DNAJB13: variants seen among roughly 807,000 people sequenced by gnomAD.
The protein encoded by DNAJB13 is DnaJ heat shock protein family (Hsp40) member B13.
Under a neutral mutation model 35.6 loss-of-function variants are expected in DNAJB13, and 22 were observed. The observed-to-expected ratio is 0.62, with a 90% confidence interval of 0.44 to 0.88. The LOEUF (loss-of-function observed/expected upper bound fraction) is 0.88. Ranked by LOEUF, DNAJB13 falls within the 40% of genes least tolerant of loss-of-function variation. The pLI is 0.00. For synonymous variants in DNAJB13, 136 were observed against 144.2 expected, an observed-to-expected ratio of 0.94 and a Z score of 0.41; for missense variants, 370 against 384.3, an observed-to-expected ratio of 0.96 and a Z score of 0.31.
At chr11:73,967,403 A>G (rs1951148413) in intron 5 of DNAJB13, among the ~76,000 whole-genome samples, 1 of 152,188 alleles carries the variant, frequency 6.6e-6, no homozygotes, top group South Asian at 2.1e-4. Flanking sequence ...GAGCCAGGGA[A>G]GACACATTCC....
intron 6 of DNAJB13, 64 bp downstream of exon 6, chr11:73,968,522 T>A: frequency 7.0e-7 from 1 of 1,420,114 alleles, no homozygotes; most frequent in Non-Finnish European, 9.7e-7. Context: ...TGCCCCGGCC[T>A]AGACTTGGCC....
rs778435520 is a variant in DNAJB13 at position 73,964,817 on chromosome 11, G to GCA, written c.335-60_335-59insAC. On this transcript the variant is annotated intron_variant, in intron 3 of 7. Coordinates refer to ENST00000339764, the MANE Select transcript of DNAJB13 (RefSeq NM_153614.4). ...TGTGTGTGTGTGTGTGTGTGTGCGC[G>GCA]CGCGCGCATGTCTGGGTCTCTGGAT... 1.1e-4 allele frequency: 167 copies of GCA among 1,513,108 alleles called. 4 individuals are homozygous for GCA. The African/African-American group carries it at 1.9e-3, about 17-fold the overall frequency. The allele number at this position is 1,513,108 out of a possible 1,614,324, so 93.7% of individuals were successfully genotyped here.
intron 1 of DNAJB13, among the ~76,000 whole-genome samples, chr11:73,953,025 AGG>A: frequency 6.6e-6 from 1 of 152,210 alleles, no homozygotes; most frequent in South Asian, 2.1e-4. Flanking sequence ...GGAGTTTGAG[AGG>A]GCAGCCTGGG....
chr11:73,957,357 G>T (rs1348595420), intron 1 of DNAJB13, among the ~76,000 whole-genome samples: 2 of 152,220 alleles, frequency 1.3e-5, no homozygotes, highest in Non-Finnish European at 2.9e-5. Flanking sequence ...CCTGGCCTGG[G>T]AAAACTGCAC....
intron 5 of DNAJB13, among the ~76,000 whole-genome samples, chr11:73,966,633 C>T (rs906772416): frequency 6.6e-6 from 1 of 152,082 alleles, no homozygotes; most frequent in Non-Finnish European, 1.5e-5. Flanking sequence ...AGGAGCTACT[C>T]AGAAACCATT....
chr11:73,966,292 C>T (rs1305839472), intron 5 of DNAJB13, 41 bp downstream of exon 5: 1 of 1,569,110 alleles, frequency 6.4e-7, no homozygotes, highest in Non-Finnish European at 8.7e-7. Flanking sequence ...TCACTGAGCT[C>T]AGGCGGTGGG....
At chr11:73,966,074 C>A in intron 4 of DNAJB13, 64 bp from the exon 5 acceptor site, 1 of 1,452,714 alleles carries the variant, frequency 6.9e-7, no homozygotes, top group Non-Finnish European at 9.5e-7. Flanking sequence ...AAAATCTGAG[C>A]AAATCTCGAC....
At chr11:73,953,775 A>T (rs1950646475) in intron 1 of DNAJB13, among the ~76,000 whole-genome samples, 1 of 151,832 alleles carries the variant, frequency 6.6e-6, no homozygotes, top group African/African-American at 2.4e-5. Flanking sequence ...AAACAATATG[A>T]GATGGTCGCT....
intron 6 of DNAJB13, among the ~76,000 whole-genome samples, chr11:73,968,846 C>T (rs765109271): frequency 2.6e-5 from 4 of 152,116 alleles, no homozygotes; most frequent in East Asian, 1.9e-4. Flanking sequence ...GCCTGTGTGG[C>T]GCATTGTCAC....
intron 3 of DNAJB13, among the ~76,000 whole-genome samples, chr11:73,962,332 G>A (rs917709361): frequency 6.8e-6 from 1 of 146,122 alleles, no homozygotes; most frequent in Non-Finnish European, 1.5e-5. Context: ...GTGGATGGGT[G>A]GATGCATGAA....
At chr11:73,965,945 G>C in intron 4 of DNAJB13, 193 bp from the exon 5 acceptor site, 1 of 577,182 alleles carries the variant, frequency 1.7e-6, no homozygotes, top group Non-Finnish European at 3.1e-6. Flanking sequence ...GGGAGTGGGA[G>C]TGGCTCAGGG....
At chr11:73,965,475 C>T (rs190534501) in intron 4 of DNAJB13, 53 of 161,628 alleles carry the variant, frequency 3.3e-4, no homozygotes, top group Admixed American at 8.7e-4. Flanking sequence ...CCCAAGGTGA[C>T]GGGTTGAGGA....
At chr11:73,958,203 A>T in intron 1 of DNAJB13, 114 bp from the exon 2 acceptor site, 1 of 1,047,682 alleles carries the variant, frequency 9.5e-7, no homozygotes, top group South Asian at 1.4e-5. Context: ...CAGCTGGTGA[A>T]GTCACCCCGG....
intron 6 of DNAJB13, among the ~76,000 whole-genome samples, chr11:73,968,959 T>G (rs1352356768): frequency 6.6e-6 from 1 of 152,198 alleles, no homozygotes; most frequent in African/African-American, 2.4e-5. Flanking sequence ...TACCACTTCC[T>G]GCCCCACTCC....
At chr11:73,969,027 A>G (rs992220594) in intron 6 of DNAJB13, among the ~76,000 whole-genome samples, 1 of 152,152 alleles carries the variant, frequency 6.6e-6, no homozygotes, top group African/African-American at 2.4e-5. Context: ...TGTCTCCATC[A>G]TTACATTTAT....
chr11:73,964,813 G>C (rs200783773), intron 3 of DNAJB13, 65 bp from the exon 4 acceptor site: 2 of 992,336 alleles, frequency 2.0e-6, no homozygotes, highest in Non-Finnish European at 2.9e-6. Flanking sequence ...GTGTGTGTGT[G>C]CGCGCGCGCG....
In DNAJB13 at chr11:73,961,206, G is replaced by A. The variant is rs904843796; in HGVS notation, c.334+1551G>A. Among the ~76,000 whole-genome samples the A allele has an allele frequency of 9.2e-5, 14 of 152,292 alleles. No individual in the cohort carries two copies. The South Asian group carries it at 2.9e-3, about 32-fold the overall frequency. On this transcript the variant is annotated intron_variant, in intron 3 of 7. Coordinates refer to ENST00000339764, the MANE Select transcript of DNAJB13 (RefSeq NM_153614.4). ...GAGGTGGGAGAATCGCCTGAGCCCA[G>A]GAGGTTGAGGCTGCAGTGAGCCAAG...
rs1409681803 is a variant in DNAJB13 at position 73,964,875 on chromosome 11, CAG to C, written c.335_336del. 10 of 1,612,412 alleles carry C rather than the reference CAG, an allele frequency of 6.2e-6. No homozygotes were observed. Among genetic ancestry groups the C allele is most frequent in the African/African-American group, 2.7e-5 (2 of 74,696 alleles). Reference sequence around the variant, plus strand: ...CTCTTACTCCTCTCCCTACCTCCTGCAGAGTTTTTTGATGCAGAAGGAAGTGA... The same window carrying C: ...CTCTTACTCCTCTCCCTACCTCCTGCAGTTTTTTGATGCAGAAGGAAGTGA... On this transcript the variant is annotated splice_acceptor_variant, in intron 3 of 7. Transcript: ENST00000339764. LOFTEE classifies it high-confidence loss of function.
intron 3 of DNAJB13, chr11:73,964,451 C>G (rs890192701): frequency 4.5e-6 from 1 of 220,320 alleles, no homozygotes; most frequent in Admixed American, 5.3e-5. Context: ...AGGCTCTCAC[C>G]TTCCTGCCGA....
Sources: gnomAD v4.1 joint callset for allele counts (sites outside exome capture counted in the v4.1 genomes callset) on GRCh38, gnomAD v4.1.1 for gene constraint, MANE v1.5 for transcripts, NCBI Gene and HGNC (gene_info 2026-07-23, HGNC 2026-07-21) for gene names.